SLC24A3: variants seen among roughly 807,000 people sequenced by gnomAD.
SLC24A3 encodes solute carrier family 24 member 3.
SLC24A3 carries 28 observed loss-of-function variants against 75.8 expected under a neutral mutation model. That is an observed-to-expected ratio of 0.37 (90% CI 0.27 to 0.51). SLC24A3 has a LOEUF of 0.51. SLC24A3 is among the 20% of genes least tolerant of loss of function. The probability of loss-of-function intolerance (pLI) is 0.94; values close to 1 mark genes in which losing one functional copy is unlikely to be tolerated. For synonymous variants in SLC24A3, 372 were observed against 334.1 expected (o/e 1.11, Z -1.24); for missense variants, 663 against 847.8 (o/e 0.78, Z 2.71).
At chr20:19,373,664 G>T (rs1243855830) in intron 2 of SLC24A3, among the ~76,000 whole-genome samples, 1 of 152,178 alleles carries the variant, frequency 6.6e-6, no homozygotes, top group Non-Finnish European at 1.5e-5. Flanking sequence ...CCACCCTATA[G>T]ATTCTTAGTT....
chr20:19,655,440 C>G (rs78928359), intron 7 of SLC24A3, among the ~76,000 whole-genome samples: 1 of 152,028 alleles, frequency 6.6e-6, no homozygotes, highest in East Asian at 1.9e-4. Context: ...AAATAGGAGT[C>G]GGGAGATCTG....
intron 1 of SLC24A3, among the ~76,000 whole-genome samples, chr20:19,275,634 G>C (rs1983461541): frequency 6.6e-6 from 1 of 152,168 alleles, no homozygotes; most frequent in Non-Finnish European, 1.5e-5. Context: ...AGCCCCAGTT[G>C]TGGGGAGGAG....
intron 2 of SLC24A3, among the ~76,000 whole-genome samples, chr20:19,438,861 C>T (rs978050842): frequency 2.6e-5 from 4 of 152,178 alleles, no homozygotes; most frequent in African/African-American, 7.2e-5. Context: ...CTGGCATCCC[C>T]ACAGGGTAGG....
At chr20:19,493,013 C>T (rs534310453) in intron 2 of SLC24A3, among the ~76,000 whole-genome samples, 7 of 152,120 alleles carry the variant, frequency 4.6e-5, no homozygotes, top group African/African-American at 1.4e-4. Context: ...GTCTCACTGC[C>T]GATATCTGAC....
chr20:19,517,543 C>T (rs2030019894), intron 3 of SLC24A3, among the ~76,000 whole-genome samples: 1 of 152,190 alleles, frequency 6.6e-6, no homozygotes, highest in Non-Finnish European at 1.5e-5. Flanking sequence ...TTAAACACTT[C>T]CCTAAGAATG....
intron 4 of SLC24A3, among the ~76,000 whole-genome samples, chr20:19,584,374 A>C (rs542874479): frequency 1.7e-4 from 26 of 152,250 alleles, no homozygotes; most frequent in African/African-American, 6.0e-4. Context: ...TCCACACCCC[A>C]ACATGCCTCC....
At chr20:19,680,406 G>T (rs566523458) in intron 9 of SLC24A3, among the ~76,000 whole-genome samples, 2 of 152,112 alleles carry the variant, frequency 1.3e-5, no homozygotes, top group African/African-American at 4.8e-5. Flanking sequence ...CAGGAGGCAC[G>T]GTGAGGTCTG....
intron 2 of SLC24A3, among the ~76,000 whole-genome samples, chr20:19,309,454 A>C (rs931690388): frequency 6.6e-6 from 1 of 152,100 alleles, no homozygotes; most frequent in South Asian, 2.1e-4. Context: ...AAGTGTCAAC[A>C]CCTCTTGGAA....
chr20:19,252,622 A>C (rs1982692080), intron 1 of SLC24A3, among the ~76,000 whole-genome samples: 1 of 140,070 alleles, frequency 7.1e-6, no homozygotes, highest in African/African-American at 2.7e-5. Context: ...TAAAAAAACA[A>C]AAAGCCTGAA....
At chr20:19,314,422 C>T (rs1984534866) in intron 2 of SLC24A3, among the ~76,000 whole-genome samples, 1 of 151,862 alleles carries the variant, frequency 6.6e-6, no homozygotes. Context: ...TCAAGTGATC[C>T]TCCCACCTCA....
chr20:19,478,638 G>A (rs1988001165), intron 2 of SLC24A3, among the ~76,000 whole-genome samples: 2 of 152,122 alleles, frequency 1.3e-5, no homozygotes, highest in African/African-American at 2.4e-5. Flanking sequence ...GGAAGGGTGA[G>A]CATTTCCACC....
At chr20:19,265,078 C>T (rs1172506273) in intron 1 of SLC24A3, among the ~76,000 whole-genome samples, 1 of 152,224 alleles carries the variant, frequency 6.6e-6, no homozygotes, top group Non-Finnish European at 1.5e-5. Context: ...CACCTTTCAA[C>T]GTTGCAAACA....
rs572710749 is a variant in SLC24A3 at position 19,410,333 on chromosome 20, G to A, written c.272-105155G>A. On this transcript the variant is annotated intron_variant, in intron 2 of 16. Transcript: ENST00000328041. ...GAAGCGAACCCAGCGTGCGGTCATG[G>A]CCTCCAAAAGATAGAAGAGAAAGAA... Among the ~76,000 whole-genome samples the A allele has an allele frequency of 8.5e-5, 13 of 152,264 alleles. No homozygotes were observed. In the East Asian group the frequency reaches 2.5e-3, roughly 29 times the overall value.
At chr20:19,318,642 G>T (rs1358340243) in intron 2 of SLC24A3, among the ~76,000 whole-genome samples, 3 of 152,120 alleles carry the variant, frequency 2.0e-5, no homozygotes, top group Non-Finnish European at 4.4e-5. Context: ...TCCAGTCCTA[G>T]TCTCTTGCTT....
intron 2 of SLC24A3, among the ~76,000 whole-genome samples, chr20:19,375,707 C>T (rs1007162564): frequency 1.3e-5 from 2 of 152,196 alleles, no homozygotes; most frequent in African/African-American, 4.8e-5. Context: ...AAACCAGGGG[C>T]CAGGCGCCCA....
chr20:19,661,159 AC>A (rs1013205250), intron 7 of SLC24A3, among the ~76,000 whole-genome samples: 5 of 151,876 alleles, frequency 3.3e-5, no homozygotes, highest in African/African-American at 1.2e-4. Context: ...CAGTTTAACA[AC>A]CCCCATCTCC....
In SLC24A3 at chr20:19,594,893, A is replaced by G. The variant is rs1261115432; in HGVS notation, c.612+9349A>G. ...GTTATAAAGAGTTTTCAGGGAAGAC[A>G]CCCCTGCAAGCACTGATAGCATAGT... On this transcript the variant is annotated intron_variant, in intron 6 of 16. Transcript: ENST00000328041. 2.0e-5 allele frequency among the ~76,000 whole-genome samples: 3 copies of G among 152,216 alleles called. No individual in the cohort carries two copies. The South Asian group carries it at 6.2e-4, about 32-fold the overall frequency.
intron 2 of SLC24A3, among the ~76,000 whole-genome samples, chr20:19,356,811 C>A (rs1361059467): frequency 6.6e-6 from 1 of 151,948 alleles, no homozygotes; most frequent in Non-Finnish European, 1.5e-5. Flanking sequence ...GTTCCTACTG[C>A]TCTACATGGT....
intron 7 of SLC24A3, among the ~76,000 whole-genome samples, chr20:19,658,884 C>T (rs771366471): frequency 4.6e-5 from 7 of 152,296 alleles, no homozygotes; most frequent in African/African-American, 1.7e-4. Context: ...TGGGTATCTC[C>T]GGCCTCCCAG....
Sources: gnomAD v4.1 joint callset for allele counts (sites outside exome capture counted in the v4.1 genomes callset) on GRCh38, gnomAD v4.1.1 for gene constraint, MANE v1.5 for transcripts, NCBI Gene and HGNC (gene_info 2026-07-23, HGNC 2026-07-21) for gene names.